CERKL: variants seen among roughly 807,000 people sequenced by gnomAD.
CERKL encodes CERK like autophagy regulator.
A neutral mutation model predicts 63.4 loss-of-function variants in CERKL; 61 were observed. The ratio of observed to expected loss-of-function variants is 0.96; its 90% CI spans 0.78 to 1.19. The LOEUF (loss-of-function observed/expected upper bound fraction) is 1.19, where lower values mean the gene tolerates loss of function less well. CERKL is among the 50% of genes most tolerant of loss of function. CERKL has a pLI of 0.00. For synonymous variants in CERKL, 250 were observed against 230.5 expected (o/e 1.08, Z -0.77); for missense variants, 675 against 655.5 (o/e 1.03, Z -0.33).
At chr2:181,624,560 G>C (rs888433168) in intron 1 of CERKL, among the ~76,000 whole-genome samples, 1 of 152,074 alleles carries the variant, frequency 6.6e-6, no homozygotes, top group Non-Finnish European at 1.5e-5. Context: ...TTGCTACATG[G>C]AGAACAGACT....
chr2:181,636,318 T>C (rs1235341132), intron 1 of CERKL, among the ~76,000 whole-genome samples: 5 of 152,142 alleles, frequency 3.3e-5, no homozygotes, highest in Non-Finnish European at 7.4e-5. Context: ...ATCCCCCAAA[T>C]TTTGTCTTTG....
chr2:181,585,084 G>A (rs767388741), intron 2 of CERKL, among the ~76,000 whole-genome samples: 4 of 151,748 alleles, frequency 2.6e-5, no homozygotes, highest in Non-Finnish European at 5.9e-5. Context: ...AGCCTTCCTT[G>A]CCCACTGTGT....
At chr2:181,546,765 T>C (rs1041382815) in intron 10 of CERKL, among the ~76,000 whole-genome samples, 1 of 123,506 alleles carries the variant, frequency 8.1e-6, no homozygotes, top group Non-Finnish European at 1.9e-5. Flanking sequence ...AAGATATATA[T>C]AAGATGTCTC....
intron 2 of CERKL, among the ~76,000 whole-genome samples, chr2:181,585,856 G>A (rs560630898): frequency 7.2e-5 from 11 of 152,280 alleles, no homozygotes; most frequent in South Asian, 4.1e-4. Flanking sequence ...GCAGCAGCCC[G>A]TATGACACTA....
chr2:181,605,736 A>C (rs1685649448), intron 1 of CERKL, among the ~76,000 whole-genome samples: 1 of 152,230 alleles, frequency 6.6e-6, no homozygotes, highest in African/African-American at 2.4e-5. Flanking sequence ...CAAGCAAAGA[A>C]GCAGAAAACA....
intron 1 of CERKL, among the ~76,000 whole-genome samples, chr2:181,643,437 A>G (rs761220760): frequency 6.6e-6 from 1 of 152,234 alleles, no homozygotes; most frequent in Non-Finnish European, 1.5e-5. Context: ...GAGGGAAGCT[A>G]TAAAAGATCC....
Position 181,656,991 on chromosome 2 carries a change from G to A in CERKL, c.16C>T (p.Arg6Cys), listed in dbSNP as rs1559128995. 3.2e-6 allele frequency: 5 copies of A among 1,579,624 alleles called. No homozygotes were observed. The highest frequency in any genetic ancestry group is 3.5e-5 in the Admixed American group (2 of 57,838). Residue 6 changes from arginine to cysteine, a missense_variant, in exon 1 of 13, where the codon CGC becomes TGC. Coordinates refer to ENST00000410087, the MANE Select transcript of CERKL (RefSeq NM_201548.5). The part of the protein sequence containing the change: MPWRR[R>C]RNRVSALEGG... ...TCCAGGGCACTCACCCGGTTCCTGC[G>A]CCTCCTCCAGGGCATGGCGGAGTCG...
intron 5 of CERKL, among the ~76,000 whole-genome samples, chr2:181,555,736 G>T (rs1688174494): frequency 1.3e-5 from 2 of 151,034 alleles, no homozygotes; most frequent in Non-Finnish European, 2.9e-5. Flanking sequence ...GCCCTATGGG[G>T]ATGGACATTA....
At chr2:181,581,865 A>T (rs1684528043) in intron 2 of CERKL, among the ~76,000 whole-genome samples, 1 of 152,166 alleles carries the variant, frequency 6.6e-6, no homozygotes, top group Admixed American at 6.5e-5. Flanking sequence ...TATTTCTCCC[A>T]TCCCTGCACC....
intron 8 of CERKL, 73 bp from the exon 9 acceptor site, chr2:181,547,920 T>C (rs2105802303): frequency 9.0e-7 from 1 of 1,109,772 alleles, no homozygotes; most frequent in Non-Finnish European, 1.3e-6. Context: ...CACACAAATC[T>C]ATTAAATATG....
At chr2:181,563,365 G>C (rs1177692146) in intron 4 of CERKL, among the ~76,000 whole-genome samples, 5 of 151,910 alleles carry the variant, frequency 3.3e-5, no homozygotes, top group Admixed American at 3.3e-4. Context: ...AAAATCTTAG[G>C]AAATAGCATT....
intron 2 of CERKL, among the ~76,000 whole-genome samples, chr2:181,592,900 A>G (rs895185862): frequency 1.3e-5 from 2 of 152,182 alleles, no homozygotes; most frequent in African/African-American, 4.8e-5. Context: ...TTCTATTAGT[A>G]TAATGGCAAT....
At position 181,646,197 on chromosome 2, in the gene CERKL, T is replaced by C. The variant is rs570397339; in HGVS notation, c.238+10572A>G. ...GGCAGGATTGGTGGGTGTTTAGAAA[T>C]AGTGAGTAAGGGACAGTGAGGCTAG... On this transcript the variant is annotated intron_variant, in intron 1 of 12. Coordinates refer to ENST00000410087, the MANE Select transcript of CERKL (RefSeq NM_201548.5). Among the ~76,000 whole-genome samples, 3 of 152,258 alleles carry C rather than the reference T, an allele frequency of 2.0e-5. No individual in the cohort carries two copies. In the South Asian group the frequency reaches 6.2e-4, roughly 32 times the overall value.
intron 2 of CERKL, among the ~76,000 whole-genome samples, chr2:181,601,967 C>T (rs1685477503): frequency 6.6e-6 from 1 of 152,124 alleles, no homozygotes; most frequent in African/African-American, 2.4e-5. Flanking sequence ...GGATGGTAGA[C>T]TAAAGGATAT....
chr2:181,538,825 G>T (rs534532107), intron 12 of CERKL, among the ~76,000 whole-genome samples: 1 of 152,274 alleles, frequency 6.6e-6, no homozygotes, highest in Non-Finnish European at 1.5e-5. Context: ...GACATTATCT[G>T]TAGTTTATGC....
intron 2 of CERKL, among the ~76,000 whole-genome samples, chr2:181,590,961 T>C (rs887666923): frequency 1.2e-4 from 19 of 152,186 alleles, no homozygotes; most frequent in Admixed American, 1.2e-3. Flanking sequence ...CAAAGTTTAC[T>C]GCAGCATTAT....
chr2:181,542,152 G>A (rs1032688201), intron 11 of CERKL, among the ~76,000 whole-genome samples: 1 of 152,196 alleles, frequency 6.6e-6, no homozygotes, highest in African/African-American at 2.4e-5. Flanking sequence ...AGAGAAAAGT[G>A]TGGACAGTGA....
Position 181,537,010 on chromosome 2 carries a change from T to C in CERKL, c.*1174A>G, listed in dbSNP as rs1574420672. On this transcript the variant is annotated 3_prime_UTR_variant, in exon 13 of 13. Coordinates refer to ENST00000410087, the MANE Select transcript of CERKL (RefSeq NM_201548.5). ...TCTGTTCACAGGCCTGCAGTGATGGTGAGGAATGTTCTGAGATTTGCGAAG... is the reference window on the plus strand; with the variant it reads ...TCTGTTCACAGGCCTGCAGTGATGGCGAGGAATGTTCTGAGATTTGCGAAG... The C allele has an allele frequency of 2.2e-6, 1 of 447,692 alleles. No homozygotes were observed. 27.7% of individuals were successfully genotyped at this position (447,692 alleles called of 1,614,324 possible). A position where few individuals can be genotyped will look rare whatever the true frequency, so the allele number is the denominator to read the frequency against.
chr2:181,609,623 T>C (rs1039903879), intron 1 of CERKL, among the ~76,000 whole-genome samples: 2 of 151,004 alleles, frequency 1.3e-5, no homozygotes, highest in Admixed American at 1.3e-4. Context: ...GGAGAATCCC[T>C]TGAACCCAGG....
Sources: allele counts gnomAD v4.1 joint callset (sites outside exome capture counted in the v4.1 genomes callset), GRCh38; gene constraint gnomAD v4.1.1; transcripts MANE v1.5; gene names NCBI Gene and HGNC (gene_info 2026-07-23, HGNC 2026-07-21).